Variants in RP1 observed in about 807,000 individuals in gnomAD.
RP1 encodes oxygen-regulated protein 1.
Under a neutral mutation model 14.8 loss-of-function variants are expected in RP1, and 16 were observed. That is an observed-to-expected ratio of 1.08 (90% CI 0.73 to 1.65). The LOEUF (loss-of-function observed/expected upper bound fraction) is 1.65, where lower values mean the gene tolerates loss of function less well. Ranked by LOEUF, RP1 falls within the 40% of genes most tolerant of loss-of-function variation. RP1 has a pLI of 0.00. For missense variants in RP1, 2,631 were observed against 2,535.0 expected (o/e 1.04, Z -0.81); for synonymous variants, 876 against 883.6 (o/e 0.99, Z 0.15).
chr8:54,576,754 C>T (rs1420394661), intron 1 of RP1, among the ~76,000 whole-genome samples: 2 of 152,204 alleles, frequency 1.3e-5, no homozygotes, highest in Non-Finnish European at 2.9e-5. Flanking sequence ...GAGTTAATCT[C>T]TTTCCACTTT....
At chr8:54,642,143 T>C (rs1470847479) in intron 3 of RP1, among the ~76,000 whole-genome samples, 2 of 152,208 alleles carry the variant, frequency 1.3e-5, no homozygotes, top group African/African-American at 4.8e-5. Flanking sequence ...TTACATATGA[T>C]TATTAGGAAC....
At chr8:54,675,959 G>T (rs1237293269) in intron 8 of RP1, among the ~76,000 whole-genome samples, 3 of 152,042 alleles carry the variant, frequency 2.0e-5, no homozygotes, top group African/African-American at 7.2e-5. Context: ...TTGTTGTCTT[G>T]GGAGGGGCTT....
intron 23 of RP1, among the ~76,000 whole-genome samples, chr8:54,779,731 G>C (rs1439746552): frequency 6.6e-6 from 1 of 152,122 alleles, no homozygotes; most frequent in Non-Finnish European, 1.5e-5. Flanking sequence ...TTAATGACAG[G>C]TCTGCAATCT....
At chr8:54,689,844 GTTATACA>G (rs1807667942) in intron 12 of RP1, among the ~76,000 whole-genome samples, 1 of 151,790 alleles carries the variant, frequency 6.6e-6, no homozygotes, top group Admixed American at 6.6e-5. Context: ...ATGACAGTCA[GTTATACA>G]GTCACCATAT....
At chr8:54,844,448 T>C (rs1471903325) in intron 25 of RP1, among the ~76,000 whole-genome samples, 1 of 152,162 alleles carries the variant, frequency 6.6e-6, no homozygotes, top group African/African-American at 2.4e-5. Flanking sequence ...GTAATGCTGT[T>C]TGCCCCTAAT....
intron 8 of RP1, chr8:54,674,049 A>G: frequency 5.7e-6 from 4 of 699,360 alleles, no homozygotes; most frequent in South Asian, 2.0e-5. Context: ...TGTATTGACT[A>G]TATGAAATCA....
At chr8:54,622,622 G>A (rs1467729634) in intron 3 of RP1, among the ~76,000 whole-genome samples, 2 of 152,116 alleles carry the variant, frequency 1.3e-5, no homozygotes, top group South Asian at 2.1e-4. Flanking sequence ...TGGTAGTTGC[G>A]GAGTTTTCTC....
chr8:54,722,906 C>T (rs1208677654), intron 16 of RP1, among the ~76,000 whole-genome samples: 1 of 152,170 alleles, frequency 6.6e-6, no homozygotes, highest in Non-Finnish European at 1.5e-5. Flanking sequence ...ACATGGCACA[C>T]CATCACGTGG....
chr8:54,731,320 G>A (rs1808789309), intron 17 of RP1, among the ~76,000 whole-genome samples: 1 of 152,116 alleles, frequency 6.6e-6, no homozygotes, highest in South Asian at 2.1e-4. Context: ...TGAGTCATCT[G>A]TATAATCTTA....
chr8:54,801,142 T>A (rs1408340345), intron 24 of RP1, among the ~76,000 whole-genome samples: 1 of 152,160 alleles, frequency 6.6e-6, no homozygotes, highest in Non-Finnish European at 1.5e-5. Flanking sequence ...TAGGATATAG[T>A]CTAATTTGCC....
rs79317006 is a variant in RP1 at position 54,716,742 on chromosome 8, C to T, written c.2212-3387C>T. On this transcript the variant is annotated intron_variant, in intron 15 of 22. Coordinates refer to the RP1 transcript ENST00000636932. The stretch of plus-strand genomic sequence containing the variant: ...TCTCCTGATGTCTCCATGTGAGCTG[C>T]GGAGAAGCTAGGAAGCTGTATCAGT... 4.7e-3 allele frequency among the ~76,000 whole-genome samples: 713 copies of T among 152,236 alleles called. 5 individuals carry two copies. Among genetic ancestry groups the T allele is most frequent in the African/African-American group, 0.016 (653 of 41,542 alleles).
At chr8:54,636,390 T>C (rs187089186) in intron 3 of RP1, among the ~76,000 whole-genome samples, 22 of 152,324 alleles carry the variant, frequency 1.4e-4, no homozygotes, top group Admixed American at 2.6e-4. Context: ...CTGGAGCTTA[T>C]GGCCACTCTC....
At chr8:54,652,595 A>C (rs960976448) in intron 4 of RP1, among the ~76,000 whole-genome samples, 6 of 151,940 alleles carry the variant, frequency 3.9e-5, no homozygotes, top group African/African-American at 1.5e-4. Context: ...CTGTTTCTCT[A>C]TTCAGTTCTG....
chr8:54,570,366 T>C (rs1483257111), intron 1 of RP1, among the ~76,000 whole-genome samples: 2 of 151,524 alleles, frequency 1.3e-5, no homozygotes, highest in African/African-American at 4.8e-5. Flanking sequence ...TCTCGTTCTG[T>C]CTCCCAGGCT....
chr8:54,795,874 T>C (rs1173296240), intron 24 of RP1, among the ~76,000 whole-genome samples: 10 of 152,190 alleles, frequency 6.6e-5, no homozygotes, highest in Non-Finnish European at 1.5e-4. Context: ...TGACCCTTAC[T>C]CTACTCTTAG....
At chr8:54,720,069 T>C in intron 15 of RP1, 1 of 1,305,238 alleles carries the variant, frequency 7.7e-7, no homozygotes, top group East Asian at 2.6e-5. Context: ...AACGACTGGT[T>C]TTAAATTCTG....
intron 19 of RP1, among the ~76,000 whole-genome samples, chr8:54,741,099 C>T (rs932359124): frequency 6.6e-6 from 1 of 151,300 alleles, no homozygotes; most frequent in African/African-American, 2.4e-5. Flanking sequence ...TATGACTGTA[C>T]AGTGTGTTTG....
intron 17 of RP1, among the ~76,000 whole-genome samples, chr8:54,733,426 A>G (rs972295030): frequency 2.6e-5 from 4 of 152,208 alleles, no homozygotes; most frequent in Admixed American, 6.5e-5. Context: ...AGCACATTCT[A>G]GAGAAAGAAA....
intron 9 of RP1, chr8:54,679,364 A>C: frequency 1.4e-6 from 2 of 1,422,484 alleles, no homozygotes; most frequent in Non-Finnish European, 1.9e-6. Context: ...GATAATTGCC[A>C]ATGGTTAATG....
Sources: allele counts gnomAD v4.1 joint callset (sites outside exome capture counted in the v4.1 genomes callset), GRCh38; gene constraint gnomAD v4.1.1; transcripts MANE v1.5; gene names NCBI Gene and HGNC (gene_info 2026-07-23, HGNC 2026-07-21).